SRRM4: variants seen among roughly 807,000 people sequenced by gnomAD.
SRRM4 encodes the protein serine/arginine repetitive matrix 4.
Under a neutral mutation model 68.9 loss-of-function variants are expected in SRRM4, and 33 were observed. That is an observed-to-expected ratio of 0.48 (90% CI 0.36 to 0.64). The LOEUF is 0.64. SRRM4 is among the 30% of genes least tolerant of loss of function. SRRM4 has a pLI of 0.00. For missense variants in SRRM4, 817 were observed against 827.1 expected (o/e 0.99, Z 0.15); for synonymous variants, 318 against 318.8 (o/e 1.00, Z 0.03).
chr12:119,105,780 A>G lies in SRRM4; in HGVS notation c.278+3398A>G, dbSNP rs1954104292. Reference sequence around the variant, plus strand: ...CTCCCATTCTGCAGGTTGCCTGTTCACTCTGATGGTAGTTTCTTTTGCTGT... The same window carrying G: ...CTCCCATTCTGCAGGTTGCCTGTTCGCTCTGATGGTAGTTTCTTTTGCTGT... On this transcript the variant is annotated intron_variant, in intron 2 of 12. Transcript: ENST00000267260. Among the ~76,000 whole-genome samples the G allele has an allele frequency of 2.0e-5, 3 of 151,952 alleles. No individual in the cohort carries two copies. The South Asian group carries it at 6.2e-4, about 32-fold the overall frequency.
chr12:119,072,693 T>C (rs1158963155), intron 1 of SRRM4, among the ~76,000 whole-genome samples: 2 of 152,172 alleles, frequency 1.3e-5, no homozygotes, highest in Non-Finnish European at 2.9e-5. Flanking sequence ...TATAGGCAGG[T>C]GGCTGGCCTC....
intron 8 of SRRM4, among the ~76,000 whole-genome samples, chr12:119,143,295 C>T (rs1954378278): frequency 6.6e-6 from 1 of 152,214 alleles, no homozygotes; most frequent in Admixed American, 6.5e-5. Context: ...AGTCCCCCCT[C>T]CTTTAGGGCC....
intron 4 of SRRM4, among the ~76,000 whole-genome samples, chr12:119,117,361 G>A (rs1954187703): frequency 6.6e-6 from 1 of 152,124 alleles, no homozygotes. Flanking sequence ...GCTGCACCCT[G>A]CCCCATCTCT....
At chr12:119,131,277 G>A (rs1435056284) in intron 8 of SRRM4, among the ~76,000 whole-genome samples, 1 of 152,152 alleles carries the variant, frequency 6.6e-6, no homozygotes, top group Non-Finnish European at 1.5e-5. Flanking sequence ...GTTGGCAGCT[G>A]GGATTTCATT....
chr12:119,061,995 G>T (rs566067520), intron 1 of SRRM4, among the ~76,000 whole-genome samples: 1 of 152,264 alleles, frequency 6.6e-6, no homozygotes, highest in Admixed American at 6.5e-5. Flanking sequence ...AGTATGCATT[G>T]TTATGCAAAC....
chr12:119,151,744 C>T (rs1565920259), intron 10 of SRRM4, among the ~76,000 whole-genome samples: 2 of 152,142 alleles, frequency 1.3e-5, no homozygotes, highest in South Asian at 2.1e-4. Context: ...GCTGACTCAT[C>T]ACTCTACTCC....
chr12:119,067,936 G>T (rs1190370348), intron 1 of SRRM4, among the ~76,000 whole-genome samples: 1 of 152,146 alleles, frequency 6.6e-6, no homozygotes, highest in South Asian at 2.1e-4. Flanking sequence ...TAGGGCTAAT[G>T]ATTTGTTTTT....
At chr12:119,002,308 T>C (rs1036940820) in intron 1 of SRRM4, among the ~76,000 whole-genome samples, 1 of 152,200 alleles carries the variant, frequency 6.6e-6, no homozygotes, top group African/African-American at 2.4e-5. Flanking sequence ...TGCAAGCTGG[T>C]ATCCCATTTA....
chr12:119,109,935 G>A (rs1460640747), intron 2 of SRRM4, among the ~76,000 whole-genome samples: 1 of 151,414 alleles, frequency 6.6e-6, no homozygotes, highest in East Asian at 1.9e-4. Context: ...TTCTGCTCTG[G>A]TTTCTCCCCA....
intron 1 of SRRM4, among the ~76,000 whole-genome samples, chr12:119,075,495 T>C (rs1174293867): frequency 3.4e-5 from 5 of 148,770 alleles, no homozygotes; most frequent in Non-Finnish European, 6.0e-5. Flanking sequence ...ATGATGATGG[T>C]GGTGATGGTG....
intron 12 of SRRM4, 134 bp from the exon 13 acceptor site, chr12:119,156,361 G>C: frequency 7.4e-7 from 1 of 1,356,952 alleles, no homozygotes; most frequent in Middle Eastern, 2.7e-4. Context: ...TGCAAGAGAA[G>C]TGGAAAGGGA....
chr12:119,092,577 ACT>A (rs1954020274), intron 1 of SRRM4, among the ~76,000 whole-genome samples: 1 of 150,870 alleles, frequency 6.6e-6, no homozygotes, highest in Non-Finnish European at 1.5e-5. Flanking sequence ...CCATGCAAAA[ACT>A]CTGTTGATTC....
chr12:119,129,723 A>G (rs150619778), intron 7 of SRRM4, among the ~76,000 whole-genome samples: 89 of 152,364 alleles, frequency 5.8e-4, no homozygotes, highest in Non-Finnish European at 9.0e-4. Flanking sequence ...AGTATTTGTC[A>G]AATGAACAAG....
chr12:119,079,493 C>T (rs1296995388), intron 1 of SRRM4, among the ~76,000 whole-genome samples: 1 of 152,188 alleles, frequency 6.6e-6, no homozygotes, highest in African/African-American at 2.4e-5. Context: ...CTTGTCAGAG[C>T]AATTTCTTTG....
intron 1 of SRRM4, among the ~76,000 whole-genome samples, chr12:119,054,195 T>C (rs553195715): frequency 2.6e-5 from 4 of 152,384 alleles, no homozygotes; most frequent in South Asian, 4.1e-4. Flanking sequence ...GTTCCATTTA[T>C]GTTGTTGCAA....
At position 119,153,637 on chromosome 12, in the gene SRRM4, A is replaced by T. The variant is rs754173714; in HGVS notation, c.1379A>T (p.Tyr460Phe). Residue 460 changes from tyrosine to phenylalanine, a missense_variant, in exon 11 of 13, where the codon TAC (tyrosine) becomes TTC (phenylalanine). Transcript: ENST00000267260. ...CGCCGCAGCCCTAGCTACTCCCGCT[A>T]CAGCCCCAGCAGGTACCGGCCCCGC... is the stretch of plus-strand genomic sequence containing the variant. ...RSRRSPSYSRYSPSRERDPKY... is the reference protein window; with the variant it reads ...RSRRSPSYSRFSPSRERDPKY... 1.7e-5 allele frequency: 27 copies of T among 1,555,926 alleles called. No homozygotes were observed. The Middle Eastern group carries it at 5.0e-4, about 29-fold the overall frequency.
intron 1 of SRRM4, among the ~76,000 whole-genome samples, chr12:119,060,357 C>T (rs947684016): frequency 4.0e-5 from 6 of 150,390 alleles, no homozygotes; most frequent in Admixed American, 1.3e-4. Context: ...TATGCCACTC[C>T]TATCCCACAC....
chr12:119,082,752 C>T (rs1383390339), intron 1 of SRRM4, among the ~76,000 whole-genome samples: 1 of 152,190 alleles, frequency 6.6e-6, no homozygotes, highest in Non-Finnish European at 1.5e-5. Flanking sequence ...CCAGAAGAGC[C>T]CTCCAGTGTA....
rs898850132 is a variant in SRRM4 at position 119,160,724 on chromosome 12, G to GA, written c.*3927dup. ...AATTCAAAATGTTGGCCTGAGGCCT[G>GA]AGAGTGTCACCAAAGACAGAGGGAG... On this transcript the variant is annotated 3_prime_UTR_variant, in exon 13 of 13. Coordinates refer to ENST00000267260, the MANE Select transcript of SRRM4 (RefSeq NM_194286.4). 1.9e-4 allele frequency: 29 copies of GA among 152,216 alleles called. No homozygotes were observed. Among genetic ancestry groups the GA allele is most frequent in the Admixed American group, 1.4e-3 (22 of 15,278 alleles). 9.4% of individuals were successfully genotyped at this position (152,216 alleles called of 1,614,324 possible).
Sources: allele counts gnomAD v4.1 joint callset (sites outside exome capture counted in the v4.1 genomes callset), GRCh38; gene constraint gnomAD v4.1.1; transcripts MANE v1.5; gene names NCBI Gene and HGNC (gene_info 2026-07-23, HGNC 2026-07-21).